SLC38A2: variants seen among roughly 807,000 people sequenced by gnomAD.
SLC38A2 encodes sodium-coupled neutral amino acid symporter 2.
In SLC38A2, 11 loss-of-function variants were observed where a neutral mutation model predicts 61.5. That is an observed-to-expected ratio of 0.18 (90% CI 0.11 to 0.30). The LOEUF (loss-of-function observed/expected upper bound fraction) is 0.30. SLC38A2 is among the 10% of genes least tolerant of loss of function. The pLI is 1.00. For synonymous variants in SLC38A2, 217 were observed against 212.5 expected (o/e 1.02, Z -0.18); for missense variants, 522 against 600.4 (o/e 0.87, Z 1.36).
rs771917145 is a variant in SLC38A2, at chr12:46,371,284, C to T, written c.10G>A (p.Ala4Thr). 29 of 1,614,040 alleles carry T rather than the reference C, an allele frequency of 1.8e-5. No homozygotes were observed. Among genetic ancestry groups the T allele is most frequent in the Non-Finnish European group, 2.5e-5 (29 of 1,179,998 alleles). ...GAAATACTGAATCGTCCCATTTCGGCCTTCTTCATGCTAAGCACTGGGAGG... is the reference window on the plus strand; with the variant it reads ...GAAATACTGAATCGTCCCATTTCGGTCTTCTTCATGCTAAGCACTGGGAGG... Reference protein sequence around the residue: MKKAEMGRFSISPD... With the variant: MKKTEMGRFSISPD... Residue 4 changes from alanine to threonine, a missense_variant, in exon 2 of 16, where the codon GCC becomes ACC. Ala to Thr is a moderately conservative substitution (Grantham distance 58, BLOSUM62 0). Transcript: ENST00000256689.
rs201700228 is a variant in SLC38A2, at chr12:46,363,721, C to T, written c.1054+5G>A. ...TTTTGTTTTGGTAAAGGAGGCGTTA[C>T]TTACCGTAAAATGTTAGGTATCCAA... On this transcript the variant is annotated splice_donor_5th_base_variant and intron_variant, in intron 12 of 15. Transcript: ENST00000256689. 1.3e-6 allele frequency: 2 copies of T among 1,541,544 alleles called. No homozygotes were observed. Among genetic ancestry groups the T allele is most frequent in the East Asian group, 2.3e-5 (1 of 43,846 alleles).
chr12:46,364,733 A>G (rs776786513), intron 8 of SLC38A2, 31 bp from the exon 9 acceptor site: 2 of 1,572,168 alleles, frequency 1.3e-6, no homozygotes, highest in Non-Finnish European at 1.7e-6. Context: ...AATCAGTATT[A>G]GTTTAATGAA....
In SLC38A2 at chr12:46,363,021, T is replaced by C. The variant is rs1435669642; in HGVS notation, c.1179A>G (p.Pro393=). The change falls in exon 13 of 16, where the codon CCA becomes CCG. Residue 393 remains proline (P), a splice_region_variant and synonymous_variant. Transcript: ENST00000256689. ...GAAAGCAGAGCAAGTGATTACTTAC[T>C]GGGAAAATAACTACTGGTACTGTCA... ...VTLTVPVVIF[P]IRSSVTHLLC... 1.2e-6 allele frequency: 2 copies of C among 1,612,554 alleles called. No individual in the cohort carries two copies. The highest frequency in any genetic ancestry group is 1.7e-4 in the Middle Eastern group (1 of 6,056).
rs974492653 is a variant in SLC38A2, at chr12:46,359,337, G to C, written c.*1774C>G. On this transcript the variant is annotated 3_prime_UTR_variant, in exon 16 of 16. Coordinates refer to ENST00000256689, the MANE Select transcript of SLC38A2 (RefSeq NM_018976.5). Reference sequence around the variant, plus strand: ...CAATTATTTTATCTTCATAGAAACAGACAAAAATGGACCAACGGTTTCACC... The same window carrying C: ...CAATTATTTTATCTTCATAGAAACACACAAAAATGGACCAACGGTTTCACC... 2.0e-5 allele frequency: 3 copies of C among 152,576 alleles called. No homozygotes were observed. Among genetic ancestry groups the C allele is most frequent in the African/African-American group, 4.8e-5 (2 of 41,422 alleles). The allele number at this position is 152,576 out of a possible 1,614,324, so 9.5% of individuals were successfully genotyped here.
intron 8 of SLC38A2, 129 bp downstream of exon 8, chr12:46,364,978 C>T: frequency 1.1e-6 from 1 of 893,566 alleles, no homozygotes; most frequent in Non-Finnish European, 1.8e-6. Flanking sequence ...ATTTTGCATG[C>T]TGTAAGTCCC....
At chr12:46,361,712 G>A (rs1050406653) in intron 15 of SLC38A2, 1 of 156,426 alleles carries the variant, frequency 6.4e-6, no homozygotes, top group African/African-American at 2.4e-5. Context: ...GCAGAATGAA[G>A]GAGAAAATAA....
chr12:46,359,503 A>G lies in SLC38A2; in HGVS notation c.*1608T>C, dbSNP rs1565825733. The stretch of plus-strand genomic sequence containing the variant: ...CACATTTCTGGCCCTTGCCCCAAAC[A>G]ACATTTTTAGTTCAAGGGCAAACCT... On this transcript the variant is annotated 3_prime_UTR_variant, in exon 16 of 16. Transcript: ENST00000256689. 1 of 152,648 alleles carries G rather than the reference A, an allele frequency of 6.6e-6. No homozygotes were observed. Among genetic ancestry groups the G allele is most frequent in the South Asian group, 2.1e-4 (1 of 4,834 alleles). 9.5% of individuals were successfully genotyped at this position (152,648 alleles called of 1,614,324 possible).
Position 46,365,108 on chromosome 12 carries a change from T to C in SLC38A2, c.645A>G (p.Leu215=). 2 of 1,613,138 alleles carry C rather than the reference T, an allele frequency of 1.2e-6. No homozygotes were observed. The highest frequency in any genetic ancestry group is 1.7e-6 in the Non-Finnish European group (2 of 1,179,374). ...VILPLSLFRN[L]GYLGYTSGLS... The stretch of plus-strand genomic sequence containing the variant: ...CTCTTTAGAGATGAGTTTGCTCACC[T>C]AAATTTCTAAACAGCGACAAAGGAA... The change falls in exon 8 of 16, where the codon TTA becomes TTG. Residue 215 remains leucine (L), a splice_region_variant and synonymous_variant. Coordinates refer to ENST00000256689, the MANE Select transcript of SLC38A2 (RefSeq NM_018976.5).
At position 46,365,634 on chromosome 12, in the gene SLC38A2, C is replaced by T. The variant is rs374733970; in HGVS notation, c.564-445G>A. Among the ~76,000 whole-genome samples, 7 of 152,070 alleles carry T rather than the reference C, an allele frequency of 4.6e-5. 1 individual carries two copies. In the East Asian group the frequency reaches 1.2e-3, roughly 25 times the overall value. On this transcript the variant is annotated intron_variant, in intron 7 of 15. Transcript: ENST00000256689. ...TTTAAAACAAGTTTTTTTCCAGATG[C>T]GTTAGCAAATATTATTAAATATTTC...
Position 46,371,406 on chromosome 12 carries a change from G to C in SLC38A2, c.-86-27C>G. 7 of 799,692 alleles carry C rather than the reference G, an allele frequency of 8.8e-6. No individual in the cohort carries two copies. The South Asian group carries it at 1.1e-4, about 13-fold the overall frequency. The allele number at this position is 799,692 out of a possible 1,614,324, so 49.5% of individuals were successfully genotyped here. A position where few individuals can be genotyped will look rare whatever the true frequency, so the allele number is the denominator to read the frequency against. On this transcript the variant is annotated intron_variant, in intron 1 of 15. Transcript: ENST00000256689. ...TGCGAAAGTAGAGGCGGCGCGTCAG[G>C]ACCGCAGCGCCAGCCCGCCGCGGTC...
intron 4 of SLC38A2, 182 bp from the exon 5 acceptor site, chr12:46,367,522 G>GT: frequency 1.7e-6 from 1 of 599,486 alleles, no homozygotes; most frequent in Non-Finnish European, 3.0e-6. Context: ...TTGGCTGGCA[G>GT]TAAAAACTTG....
rs757229861 is a variant in SLC38A2 at position 46,362,673 on chromosome 12, TAGC to T, written c.1180-38_1180-36del. 1.6e-5 allele frequency: 24 copies of T among 1,539,764 alleles called. No individual in the cohort carries two copies. The African/African-American group carries it at 3.0e-4, about 19-fold the overall frequency. ...AAATAAATAAAATGTATTTTAAAAA[TAGC>T]AGCAATATAAAATTTAAAAATCCAG... On this transcript the variant is annotated intron_variant, in intron 13 of 15. Transcript: ENST00000256689.
At position 46,360,862 on chromosome 12, in the gene SLC38A2, A is replaced by T; in HGVS notation, c.*249T>A. 2.3e-6 allele frequency: 1 copy of T among 441,112 alleles called. No individual in the cohort carries two copies. 27.3% of individuals were successfully genotyped at this position (441,112 alleles called of 1,614,324 possible). On this transcript the variant is annotated 3_prime_UTR_variant, in exon 16 of 16. Coordinates refer to ENST00000256689, the MANE Select transcript of SLC38A2 (RefSeq NM_018976.5). ...GTTTGTCCATTCTCTGGAATGGAAT[A>T]AAATTGTCACTTCCCTTAACCCGAG...
At chr12:46,365,046 G>C (rs1457965850) in intron 8 of SLC38A2, 61 bp downstream of exon 8, 3 of 1,384,252 alleles carry the variant, frequency 2.2e-6, no homozygotes, top group Non-Finnish European at 3.0e-6. Flanking sequence ...TCTATTCAGA[G>C]AAAGCCCAAC....
chr12:46,372,385 A>G, intron 1 of SLC38A2, 124 bp downstream of exon 1: 1 of 275,410 alleles, frequency 3.6e-6, no homozygotes, highest in Admixed American at 5.4e-5. Flanking sequence ...CCAACCGACA[A>G]CGCCCGCCTC....
In SLC38A2 at chr12:46,360,093, A is replaced by G. The variant is rs1409721313; in HGVS notation, c.*1018T>C. ...AATAATTTTGGCCTATTGCCATCAAATGCCCATTTTCCACTGCTGGAAGCA... is the reference window on the plus strand; with the variant it reads ...AATAATTTTGGCCTATTGCCATCAAGTGCCCATTTTCCACTGCTGGAAGCA... On this transcript the variant is annotated 3_prime_UTR_variant, in exon 16 of 16. Transcript: ENST00000256689. The G allele has an allele frequency of 6.6e-6, 1 of 152,658 alleles. No homozygotes were observed. The highest frequency in any genetic ancestry group is 1.5e-5 in the Non-Finnish European group (1 of 68,036). 9.5% of individuals were successfully genotyped at this position (152,658 alleles called of 1,614,324 possible).
At chr12:46,363,567 T>C (rs1943106344) in intron 12 of SLC38A2, among the ~76,000 whole-genome samples, 159 bp downstream of exon 12, 1 of 152,048 alleles carries the variant, frequency 6.6e-6, no homozygotes, top group South Asian at 2.1e-4. Context: ...CTACAGAAAA[T>C]TCTAAGCTCT....
intron 13 of SLC38A2, 113 bp downstream of exon 13, chr12:46,362,908 C>A: frequency 7.4e-7 from 1 of 1,351,224 alleles, no homozygotes; most frequent in Non-Finnish European, 1.0e-6. Flanking sequence ...AAACCACCAC[C>A]AACTTAGTAT....
chr12:46,371,467 C>G (rs960185018), intron 1 of SLC38A2, 88 bp from the exon 2 acceptor site: 1 of 587,528 alleles, frequency 1.7e-6, no homozygotes, highest in African/African-American at 2.0e-5. Context: ...GCGGCTGATT[C>G]ATCCCAGGCC....
Sources: gnomAD v4.1 joint callset for allele counts (sites outside exome capture counted in the v4.1 genomes callset) on GRCh38, gnomAD v4.1.1 for gene constraint, MANE v1.5 for transcripts, NCBI Gene and HGNC (gene_info 2026-07-23, HGNC 2026-07-21) for gene names.